Variants in CLN6 observed in about 807,000 individuals in gnomAD.
CLN6 encodes ceroid-lipofuscinosis neuronal protein 6.
In CLN6, 22 loss-of-function variants were observed where a neutral mutation model predicts 33.3. The ratio of observed to expected loss-of-function variants is 0.66; its 90% confidence interval spans 0.47 to 0.94. The LOEUF (loss-of-function observed/expected upper bound fraction) is 0.94. Among genes scored for constraint, CLN6 ranks in the 40% least tolerant of loss-of-function variants. The pLI is 0.00. For missense variants in CLN6, 387 were observed against 417.1 expected (o/e 0.93, Z 0.63); for synonymous variants, 201 against 174.6 (o/e 1.15, Z -1.19).
In CLN6 at chr15:68,228,506, G is replaced by A. The variant is rs554142579; in HGVS notation, c.83+996C>T. On this transcript the variant is annotated intron_variant, in intron 1 of 6. Transcript: ENST00000249806. The surrounding 1 kb of genome is among the most constrained non-coding windows in gnomAD (Gnocchi z 4.4). ...ATCTAGGTCCTCAACTCGAGTCCTA[G>A]ACTTGCTGCAATTAAAGGCCCTTCA... 5.9e-5 allele frequency among the ~76,000 whole-genome samples: 9 copies of A among 152,270 alleles called. No homozygotes were observed. The highest frequency in any genetic ancestry group is 1.3e-4 in the Admixed American group (2 of 15,290).
intron 1 of CLN6, among the ~76,000 whole-genome samples, chr15:68,255,243 C>T (rs1331499893): frequency 6.6e-6 from 1 of 152,164 alleles, no homozygotes; most frequent in Non-Finnish European, 1.5e-5. Flanking sequence ...TCTATGTCCT[C>T]TTCTCCCTTT....
At chr15:68,244,088 CA>C (rs1567105281) in intron 1 of CLN6, among the ~76,000 whole-genome samples, 1 of 42,924 alleles carries the variant, frequency 2.3e-5, no homozygotes, top group Non-Finnish European at 7.4e-5. Context: ...AAACAAAAAA[CA>C]AACAAAAAAA....
intron 1 of CLN6, among the ~76,000 whole-genome samples, chr15:68,244,540 G>T (rs931612649): frequency 2.0e-5 from 3 of 151,938 alleles, no homozygotes; most frequent in Non-Finnish European, 4.4e-5. Flanking sequence ...CCCCAGACCC[G>T]TCTTAAAAGA....
rs915942245 is a variant in CLN6, at chr15:68,209,445, C to T, written c.665+192G>A. Among the ~76,000 whole-genome samples, 2 of 152,152 alleles carry T rather than the reference C, an allele frequency of 1.3e-5. No homozygotes were observed. The highest frequency in any genetic ancestry group is 2.9e-5 in the Non-Finnish European group (2 of 68,020). On this transcript the variant is annotated intron_variant, in intron 6 of 6. Transcript: ENST00000249806. The surrounding 1 kb of genome is among the most constrained non-coding windows in gnomAD (Gnocchi z 4.9). ...TCCCACCTCCCTGCCACACCCAGGCCTGGGCTTCATGGAAACAAAGAGGCC... is the reference window on the plus strand; with the variant it reads ...TCCCACCTCCCTGCCACACCCAGGCTTGGGCTTCATGGAAACAAAGAGGCC...
At position 68,236,099 on chromosome 15, in the gene CLN6, A is replaced by G. The variant is rs1234502401; in HGVS notation, c.180-17449T>C. Among the ~76,000 whole-genome samples, 1 of 152,244 alleles carries G rather than the reference A, an allele frequency of 6.6e-6. No homozygotes were observed. Among genetic ancestry groups the G allele is most frequent in the Non-Finnish European group, 1.5e-5 (1 of 68,046 alleles). ...GAAAAAGCAAGGGATGAAAAAGACA[A>G]ACAATAACACATGTTGGTGAAGATG... On this transcript the variant is annotated intron_variant, in intron 1 of 6. Coordinates refer to the CLN6 transcript ENST00000538696. This position sits in a 1 kb window ranked among gnomAD's most constrained non-coding sequence, Gnocchi z 4.5.
chr15:68,211,536 G>A lies in CLN6; in HGVS notation c.486+139C>T. ...GAACACTTGAGCATCCTAGCTTGGG[G>A]CAGGCGACAGTGCCCTCACCTAGCA... On this transcript the variant is annotated intron_variant, in intron 4 of 6. Transcript: ENST00000249806. This position sits in a 1 kb window ranked among gnomAD's most constrained non-coding sequence, Gnocchi z 5.9. 1 of 1,594,982 alleles carries A rather than the reference G, an allele frequency of 6.3e-7. No individual in the cohort carries two copies. The highest frequency in any genetic ancestry group is 8.5e-7 in the Non-Finnish European group (1 of 1,176,302).
intron 1 of CLN6, chr15:68,254,562 G>A: frequency 2.0e-6 from 1 of 505,890 alleles, no homozygotes; most frequent in South Asian, 2.3e-5. Flanking sequence ...AAAAAGAGGT[G>A]AGAACGACCC....
In CLN6 at chr15:68,211,541, C is replaced by A. The variant is rs765863576; in HGVS notation, c.486+134G>T. ...CTTGAGCATCCTAGCTTGGGGCAGG[C>A]GACAGTGCCCTCACCTAGCAGAATG... On this transcript the variant is annotated intron_variant, in intron 4 of 6. Coordinates refer to ENST00000249806, the MANE Select transcript of CLN6 (RefSeq NM_017882.3). The surrounding 1 kb of genome is among the most constrained non-coding windows in gnomAD (Gnocchi z 5.9). 3.1e-6 allele frequency: 5 copies of A among 1,595,540 alleles called. No individual in the cohort carries two copies. Among genetic ancestry groups the A allele is most frequent in the African/African-American group, 2.7e-5 (2 of 74,824 alleles).
At chr15:68,237,073 C>T (rs1207398180) in intron 1 of CLN6, among the ~76,000 whole-genome samples, 5 of 143,336 alleles carry the variant, frequency 3.5e-5, no homozygotes, top group African/African-American at 1.0e-4. Flanking sequence ...AGGAGAATGG[C>T]GTGAACCCGG....
In CLN6 at chr15:68,227,767, G is replaced by A. The variant is rs1055934213; in HGVS notation, c.83+1735C>T. Among the ~76,000 whole-genome samples the A allele has an allele frequency of 6.6e-6, 1 of 152,226 alleles. No homozygotes were observed. The highest frequency in any genetic ancestry group is 2.4e-5 in the African/African-American group (1 of 41,458). On this transcript the variant is annotated intron_variant, in intron 1 of 6. Transcript: ENST00000249806. This position sits in a 1 kb window ranked among gnomAD's most constrained non-coding sequence, Gnocchi z 4.1. ...CCATTTCCCCATCTGTACATTGGAA[G>A]TGACATCTGGCAGCTCATTGTCAAG... is the stretch of plus-strand genomic sequence containing the variant.
intron 1 of CLN6, among the ~76,000 whole-genome samples, chr15:68,237,896 G>A (rs1466106715): frequency 3.3e-5 from 5 of 150,748 alleles, no homozygotes; most frequent in African/African-American, 4.9e-5. Context: ...CGGCCGAGGC[G>A]GGGGGATCAC....
chr15:68,208,094 G>GGGGCCCC lies in CLN6; in HGVS notation c.*45_*46insGGGGCCC. 5 of 1,375,274 alleles carry GGGGCCCC rather than the reference G, an allele frequency of 3.6e-6. No individual in the cohort carries two copies. Among genetic ancestry groups the GGGGCCCC allele is most frequent in the Non-Finnish European group, 5.0e-6 (5 of 992,020 alleles). The allele number at this position is 1,375,274 out of a possible 1,614,324, so 85.2% of individuals were successfully genotyped here. On this transcript the variant is annotated 3_prime_UTR_variant, in exon 7 of 7. Coordinates refer to ENST00000249806, the MANE Select transcript of CLN6 (RefSeq NM_017882.3). The surrounding 1 kb of genome is among the most constrained non-coding windows in gnomAD (Gnocchi z 5.8). ...CTCCTGTATTCAGATGCCCTCCATG[G>GGGGCCCC]CCCACCCTCCCACCCAGCAGAGCGC...
rs977558001 is a variant in CLN6, at chr15:68,242,813, T to G, written c.179+13877A>C. On this transcript the variant is annotated intron_variant, in intron 1 of 6. Coordinates refer to the CLN6 transcript ENST00000538696. This position sits in a 1 kb window ranked among gnomAD's most constrained non-coding sequence, Gnocchi z 5.0. ...GGTTTGATTTACCTACTTTGGAGCATTAGATGATAGGTAAGGCCTGGGGAC... is the reference window on the plus strand; with the variant it reads ...GGTTTGATTTACCTACTTTGGAGCAGTAGATGATAGGTAAGGCCTGGGGAC... 2.0e-5 allele frequency among the ~76,000 whole-genome samples: 3 copies of G among 152,200 alleles called. No individual in the cohort carries two copies. The highest frequency in any genetic ancestry group is 4.8e-5 in the African/African-American group (2 of 41,446).
rs1224598119 is a variant in CLN6, at chr15:68,256,311, G to T, written c.179+379C>A. On this transcript the variant is annotated intron_variant, in intron 1 of 6. Transcript: ENST00000538696. The surrounding 1 kb of genome is among the most constrained non-coding windows in gnomAD (Gnocchi z 4.1). ...TTTAGTAGAGGCGGGGTTTCACTAT[G>T]TTGGCCAGGCTGGTTGAGAACTCCT... 2.0e-5 allele frequency among the ~76,000 whole-genome samples: 3 copies of T among 151,672 alleles called. No individual in the cohort carries two copies. Among genetic ancestry groups the T allele is most frequent in the Non-Finnish European group, 4.4e-5 (3 of 67,908 alleles).
intron 1 of CLN6, among the ~76,000 whole-genome samples, chr15:68,237,425 C>A (rs1228117946): frequency 6.6e-6 from 1 of 152,044 alleles, no homozygotes; most frequent in African/African-American, 2.4e-5. Flanking sequence ...AAGGTCGGGG[C>A]TGCAGTGAGC....
chr15:68,238,246 A>T (rs1321677109), intron 1 of CLN6, among the ~76,000 whole-genome samples: 1 of 151,390 alleles, frequency 6.6e-6, no homozygotes, highest in Non-Finnish European at 1.5e-5. Flanking sequence ...TCCACTAAAA[A>T]TACAAAAATT....
At position 68,211,849 on chromosome 15, in the gene CLN6, G is replaced by A; in HGVS notation, c.312C>T (p.Ser104=). The change falls in exon 4 of 7, where the codon TCC becomes TCT. Residue 104 remains serine (S), a synonymous_variant. Coordinates refer to ENST00000249806, the MANE Select transcript of CLN6 (RefSeq NM_017882.3). The surrounding 1 kb of genome is among the most constrained non-coding windows in gnomAD (Gnocchi z 5.9). ...TGATGGAGCGTGGCAGGGTGCGGGG[G>A]GACCGCTCGATGAGCTGGGGTTCAG... ...PFLLLKLIER[S]PRTLPRSITY... The A allele has an allele frequency of 6.2e-7, 1 of 1,613,646 alleles. No homozygotes were observed. Among genetic ancestry groups the A allele is most frequent in the South Asian group, 1.1e-5 (1 of 91,080 alleles).
In CLN6 at chr15:68,247,489, C is replaced by A. The variant is rs1892339312; in HGVS notation, c.179+9201G>T. On this transcript the variant is annotated intron_variant, in intron 1 of 6. Transcript: ENST00000538696. The surrounding 1 kb of genome is among the most constrained non-coding windows in gnomAD (Gnocchi z 4.2). ...TAACCGAAGAGGAGAAAGATCTCTT[C>A]AAGGAAAACTACAAAGCACTGAAGA... is the stretch of plus-strand genomic sequence containing the variant. Among the ~76,000 whole-genome samples the A allele has an allele frequency of 6.6e-6, 1 of 152,010 alleles. No individual in the cohort carries two copies. The highest frequency in any genetic ancestry group is 2.1e-4 in the South Asian group (1 of 4,820).
intron 3 of CLN6, chr15:68,213,920 G>T (rs2093213146): frequency 4.1e-6 from 1 of 244,520 alleles, no homozygotes; most frequent in African/African-American, 2.2e-5. Context: ...CTTCCCAGTG[G>T]GTCCTTGACC....
Sources: allele counts gnomAD v4.1 joint callset (sites outside exome capture counted in the v4.1 genomes callset), GRCh38; gene constraint gnomAD v4.1.1; non-coding constraint Gnocchi (gnomAD v3.1); transcripts MANE v1.5; gene names NCBI Gene and HGNC (gene_info 2026-07-23, HGNC 2026-07-21).